Variants in PTER observed in about 807,000 individuals in gnomAD.
PTER encodes the protein phosphotriesterase related, also known as N-acetyltaurine hydrolase.
PTER carries 38 observed loss-of-function variants against 29.6 expected under a neutral mutation model. The ratio of observed to expected loss-of-function variants is 1.28; its 90% CI spans 0.99 to 1.68. PTER has a LOEUF of 1.68. Ranked by LOEUF, PTER falls within the 40% of genes most tolerant of loss-of-function variation. The probability of loss-of-function intolerance (pLI) is 0.00; values close to 1 mark genes in which losing one functional copy is unlikely to be tolerated. For synonymous variants in PTER, 172 were observed against 154.5 expected, an observed-to-expected ratio of 1.11 and a Z score of -0.84; for missense variants, 482 against 427.8, an observed-to-expected ratio of 1.13 and a Z score of -1.12.
chr10:16,438,608 C>T (rs1301721115), intron 1 of PTER, among the ~76,000 whole-genome samples: 2 of 150,730 alleles, frequency 1.3e-5, no homozygotes, highest in Admixed American at 1.3e-4. Flanking sequence ...TGCGCCTGGC[C>T]TGCCTGTTTT....
intron 3 of PTER, among the ~76,000 whole-genome samples, chr10:16,487,405 C>A (rs957029516): frequency 5.3e-5 from 8 of 152,164 alleles, no homozygotes; most frequent in Admixed American, 4.6e-4. Context: ...CTTCGCATAG[C>A]CTTTTCCTCA....
At chr10:16,437,269 C>T (rs1339350050) in intron 1 of PTER, 1 of 152,214 alleles carries the variant, frequency 6.6e-6, no homozygotes, top group Non-Finnish European at 1.5e-5. Flanking sequence ...GCGCCAGCTC[C>T]CTGTGGCTCG....
chr10:16,440,825 C>A (rs2133353796), intron 1 of PTER, among the ~76,000 whole-genome samples: 1 of 152,310 alleles, frequency 6.6e-6, no homozygotes, highest in African/African-American at 2.4e-5. Flanking sequence ...TGTGGTCAGA[C>A]CCTGAGATTC....
At position 16,463,635 on chromosome 10, in the gene PTER, C is replaced by T. The variant is rs530627294; in HGVS notation, c.-48-20702C>T. On this transcript the variant is annotated intron_variant, in intron 1 of 4. Transcript: ENST00000535784. ...TTCACCGTGTTGGCCAGGCTGGTCT[C>T]GAACTCCTGACCTCAGGTGATCCGC... 1.6e-4 allele frequency among the ~76,000 whole-genome samples: 24 copies of T among 152,128 alleles called. No homozygotes were observed. The South Asian group carries it at 4.4e-3, about 28-fold the overall frequency.
At chr10:16,477,258 C>CTATA (rs375544990) in intron 1 of PTER, among the ~76,000 whole-genome samples, 1 of 147,906 alleles carries the variant, frequency 6.8e-6, no homozygotes, top group East Asian at 2.0e-4. Flanking sequence ...TTCTGTCTTT[C>CTATA]GATAGATAGA....
intron 1 of PTER, among the ~76,000 whole-genome samples, chr10:16,449,505 G>A (rs114564204): frequency 1.1e-3 from 150 of 134,340 alleles, no homozygotes; most frequent in African/African-American, 4.0e-3. Flanking sequence ...GTGCAGTCTC[G>A]GCTCACTGCA....
intron 3 of PTER, among the ~76,000 whole-genome samples, chr10:16,498,974 G>A (rs1836226629): frequency 6.6e-6 from 1 of 152,212 alleles, no homozygotes; most frequent in Admixed American, 6.5e-5. Context: ...TCTCCGTAGT[G>A]TGAGTGCCTT....
At chr10:16,444,058 T>G (rs1031297282) in intron 1 of PTER, among the ~76,000 whole-genome samples, 1 of 151,038 alleles carries the variant, frequency 6.6e-6, no homozygotes, top group African/African-American at 2.4e-5. Context: ...CTGGAGTGCA[T>G]TGGCGCGATC....
chr10:16,445,156 C>T (rs1037886715), intron 1 of PTER, among the ~76,000 whole-genome samples: 2 of 152,162 alleles, frequency 1.3e-5, no homozygotes, highest in Non-Finnish European at 2.9e-5. Flanking sequence ...AGGCAAAATT[C>T]GATACCTATA....
chr10:16,462,271 C>T (rs909190152), intron 1 of PTER, among the ~76,000 whole-genome samples: 8 of 152,140 alleles, frequency 5.3e-5, no homozygotes, highest in African/African-American at 1.9e-4. Context: ...CAGGTGTGAG[C>T]CACCACGCCC....
intron 1 of PTER, among the ~76,000 whole-genome samples, chr10:16,448,509 A>G (rs1834093938): frequency 6.6e-6 from 1 of 152,180 alleles, no homozygotes; most frequent in African/African-American, 2.4e-5. Flanking sequence ...CTTGTCCTTC[A>G]TCTTAAAAGG....
chr10:16,446,499 T>C (rs1165260182), intron 1 of PTER, among the ~76,000 whole-genome samples: 1 of 152,184 alleles, frequency 6.6e-6, no homozygotes, highest in Non-Finnish European at 1.5e-5. Context: ...TGCCTGTTAG[T>C]GTAGTTAGAT....
intron 1 of PTER, among the ~76,000 whole-genome samples, chr10:16,456,860 G>GGCC (rs1166265726): frequency 0.015 from 1,493 of 102,854 alleles, 45 homozygotes; most frequent in African/African-American, 0.064. Context: ...CCATGGGGAA[G>GGCC]GTGGGGGGGG....
At position 16,477,295 on chromosome 10, in the gene PTER, GATA is replaced by G. The variant is rs1564397317; in HGVS notation, c.-48-7041_-48-7039del. On this transcript the variant is annotated intron_variant, in intron 1 of 4. Transcript: ENST00000535784. ...AGATAGATAGATAGATAGATAGATA[GATA>G]GATGGATGTCTGTCTGTCTGCACAT... 4.7e-3 allele frequency among the ~76,000 whole-genome samples: 669 copies of G among 143,502 alleles called. 6 individuals are homozygous for G. The highest frequency in any genetic ancestry group is 0.019 in the African/African-American group (640 of 34,154). The allele number at this position is 143,502 out of a possible 152,430, so 94.1% of individuals were successfully genotyped here.
At chr10:16,440,702 A>G (rs1450000505) in intron 1 of PTER, among the ~76,000 whole-genome samples, 2 of 152,238 alleles carry the variant, frequency 1.3e-5, no homozygotes, top group African/African-American at 4.8e-5. Flanking sequence ...CCTCTGCCGC[A>G]GTGACCATCC....
rs142881594 is a variant in PTER, at chr10:16,445,588, G to C, written c.-49+8541G>C. ...CCTTTCTCCCAGTTAGCATTTCCCA[G>C]GCTCTCAGGCTGCAGTGTCTCCAAG... On this transcript the variant is annotated intron_variant, in intron 1 of 4. Transcript: ENST00000535784. Among the ~76,000 whole-genome samples the C allele has an allele frequency of 3.3e-5, 5 of 152,218 alleles. No individual in the cohort carries two copies. In the East Asian group the frequency reaches 9.7e-4, roughly 29 times the overall value.
At chr10:16,474,818 C>T (rs918826381) in intron 1 of PTER, among the ~76,000 whole-genome samples, 1 of 152,164 alleles carries the variant, frequency 6.6e-6, no homozygotes, top group Non-Finnish European at 1.5e-5. Context: ...ACCCAGGAAG[C>T]AGAGGTTGCA....
At chr10:16,464,047 A>G (rs1050257356) in intron 1 of PTER, among the ~76,000 whole-genome samples, 1 of 152,164 alleles carries the variant, frequency 6.6e-6, no homozygotes, top group South Asian at 2.1e-4. Context: ...TCACCGGTAC[A>G]TTAGGAGATT....
rs768587003 is a variant in PTER at position 16,511,108 on chromosome 10, C to T, written c.902C>T (p.Thr301Met). The T allele has an allele frequency of 6.2e-6, 10 of 1,613,956 alleles. No homozygotes were observed. Among genetic ancestry groups the T allele is most frequent in the Admixed American group, 1.7e-5 (1 of 59,998 alleles). The stretch of plus-strand genomic sequence containing the variant: ...ATTCTGGTAGCACATGACATACATA[C>T]GAAAACCCGGCTGATGAAATATGGA... The part of the protein sequence containing the change: ...DRILVAHDIH[T>M]KTRLMKYGGH... The change falls in exon 5 of 5, where the codon ACG becomes ATG. Residue 301 changes from threonine (T) to methionine (M), a missense_variant. By Grantham distance (81) the Thr-to-Met change is moderately conservative (BLOSUM62 -1). Coordinates refer to ENST00000535784, the MANE Select transcript of PTER (RefSeq NM_001261836.2).
Sources: gnomAD v4.1 joint callset for allele counts (sites outside exome capture counted in the v4.1 genomes callset) on GRCh38, gnomAD v4.1.1 for gene constraint, MANE v1.5 for transcripts, NCBI Gene and HGNC (gene_info 2026-07-23, HGNC 2026-07-21) for gene names.